Variants in SLC4A10 observed in about 807,000 individuals in gnomAD.
SLC4A10 encodes the protein solute carrier family 4 member 10.
In SLC4A10, 42 loss-of-function variants were observed where a neutral mutation model predicts 137.7. The observed-to-expected ratio is 0.30, with a 90% CI of 0.24 to 0.39. The LOEUF is 0.39. Among genes scored for constraint, SLC4A10 ranks in the 10% least tolerant of loss-of-function variants. The pLI is 1.00. For synonymous variants in SLC4A10, 474 were observed against 464.1 expected, an observed-to-expected ratio of 1.02 and a Z score of -0.27; for missense variants, 925 against 1,355.0, an observed-to-expected ratio of 0.68 and a Z score of 4.98.
intron 4 of SLC4A10, among the ~76,000 whole-genome samples, chr2:161,851,381 A>G (rs2059824882): frequency 6.6e-6 from 1 of 152,182 alleles, no homozygotes; most frequent in Admixed American, 6.5e-5. Context: ...TTGTTTTATG[A>G]ATCTGGGTGT....
intron 1 of SLC4A10, among the ~76,000 whole-genome samples, chr2:161,767,392 C>T (rs1406670264): frequency 2.0e-5 from 3 of 151,330 alleles, no homozygotes; most frequent in East Asian, 2.0e-4. Flanking sequence ...ATGCCATCCT[C>T]ATAAGTAGTT....
intron 1 of SLC4A10, among the ~76,000 whole-genome samples, chr2:161,656,521 TAAAAC>T (rs2037556557): frequency 6.6e-6 from 1 of 152,214 alleles, no homozygotes. Context: ...TAGAATGTAT[TAAAAC>T]AAATGTGATC....
intron 15 of SLC4A10, among the ~76,000 whole-genome samples, chr2:161,935,951 G>T (rs1691509400): frequency 6.6e-6 from 1 of 152,030 alleles, no homozygotes; most frequent in Non-Finnish European, 1.5e-5. Flanking sequence ...TTGTGTTGGG[G>T]TACATTCCTT....
chr2:161,917,544 C>T (rs1034553756), intron 15 of SLC4A10, among the ~76,000 whole-genome samples: 2 of 147,234 alleles, frequency 1.4e-5, no homozygotes, highest in Non-Finnish European at 3.0e-5. Context: ...CACCACTGCA[C>T]TCCAGCCTGG....
chr2:161,929,203 C>T (rs554971296), intron 15 of SLC4A10, among the ~76,000 whole-genome samples: 13 of 152,234 alleles, frequency 8.5e-5, no homozygotes, highest in African/African-American at 1.7e-4. Flanking sequence ...TTTACTTCAA[C>T]GAGAAAGAGA....
chr2:161,844,931 T>C (rs988831229), intron 4 of SLC4A10, among the ~76,000 whole-genome samples: 2 of 152,120 alleles, frequency 1.3e-5, no homozygotes, highest in South Asian at 4.1e-4. Flanking sequence ...GAAAAGGTCG[T>C]GCAATTGGCC....
At chr2:161,665,229 G>C (rs950757373) in intron 1 of SLC4A10, among the ~76,000 whole-genome samples, 2 of 151,896 alleles carry the variant, frequency 1.3e-5, no homozygotes, top group African/African-American at 4.8e-5. Context: ...CTTTTCAAAA[G>C]AGTTCATTTT....
At chr2:161,668,920 A>C (rs1489356569) in intron 1 of SLC4A10, among the ~76,000 whole-genome samples, 2 of 151,900 alleles carry the variant, frequency 1.3e-5, no homozygotes, top group African/African-American at 4.8e-5. Flanking sequence ...AGGATGCCTT[A>C]ATTCATTATT....
intron 15 of SLC4A10, among the ~76,000 whole-genome samples, chr2:161,930,038 C>A (rs1231392048): frequency 6.6e-6 from 1 of 152,088 alleles, no homozygotes; most frequent in Non-Finnish European, 1.5e-5. Context: ...CCTAAGCTAC[C>A]TGGTCTTTCT....
intron 15 of SLC4A10, among the ~76,000 whole-genome samples, chr2:161,913,333 T>C (rs895376012): frequency 6.6e-6 from 1 of 152,146 alleles, no homozygotes; most frequent in Admixed American, 6.5e-5. Flanking sequence ...TTTAAAGAGT[T>C]GTTTTTCATA....
chr2:161,714,948 C>T (rs2044681689), intron 1 of SLC4A10, among the ~76,000 whole-genome samples: 1 of 151,850 alleles, frequency 6.6e-6, no homozygotes, highest in Admixed American at 6.6e-5. Context: ...GTAAATGCTA[C>T]AAATATGTAT....
intron 18 of SLC4A10, 123 bp from the exon 19 acceptor site, chr2:161,950,561 TTTA>T: frequency 1.3e-6 from 1 of 750,586 alleles, no homozygotes; most frequent in Non-Finnish European, 2.1e-6. Context: ...ATTATTATTA[TTTA>T]TTATAGGCCA....
At chr2:161,977,598 CT>C in intron 25 of SLC4A10, 123 bp from the exon 26 acceptor site, 1 of 761,744 alleles carries the variant, frequency 1.3e-6, no homozygotes, top group South Asian at 2.1e-5. Flanking sequence ...GCTAATATCT[CT>C]TTTTGTTAGA....
intron 2 of SLC4A10, among the ~76,000 whole-genome samples, chr2:161,785,609 A>G (rs200231473): frequency 2.0e-5 from 3 of 151,980 alleles, no homozygotes; most frequent in East Asian, 1.9e-4. Context: ...TTCACAGAGT[A>G]AAGAACAAAA....
intron 3 of SLC4A10, among the ~76,000 whole-genome samples, chr2:161,814,883 C>T (rs1199198694): frequency 6.6e-6 from 1 of 151,806 alleles, no homozygotes; most frequent in Non-Finnish European, 1.5e-5. Context: ...TTCAATATGC[C>T]CATATAACAA....
intron 26 of SLC4A10, among the ~76,000 whole-genome samples, chr2:161,981,641 T>C (rs1002109992): frequency 2.0e-5 from 3 of 152,152 alleles, no homozygotes; most frequent in African/African-American, 4.8e-5. Flanking sequence ...GAGCATACAC[T>C]TGTCATATAA....
At position 161,908,671 on chromosome 2, in the gene SLC4A10, G is replaced by A. The variant is rs149415270; in HGVS notation, c.1997+2784G>A. Among the ~76,000 whole-genome samples, 1,165 of 151,694 alleles carry A rather than the reference G, an allele frequency of 7.7e-3. 8 individuals are homozygous for A. The highest frequency in any genetic ancestry group is 0.011 in the Non-Finnish European group (749 of 67,956). On this transcript the variant is annotated intron_variant, in intron 15 of 26. Transcript: ENST00000446997. ...GAAGCCAGTTTGCAAAAACTAACAA[G>A]GAAGTGGGTGGTAAAGAAATGGAGA... is the stretch of plus-strand genomic sequence containing the variant.
At position 161,905,885 on chromosome 2, in the gene SLC4A10, C is replaced by T; in HGVS notation, c.1995C>T (p.Tyr665=). 1 of 1,597,442 alleles carries T rather than the reference C, an allele frequency of 6.3e-7. No homozygotes were observed. The highest frequency in any genetic ancestry group is 1.7e-4 in the Middle Eastern group (1 of 5,970). ...MHNDLELLTQ[Y]SCNCVEPHNP... is the part of the protein sequence containing the mutation. ...ATGATCTGGAACTGCTGACACAATA[C>T]TCGTAAGTACCATTTCCCCTGCTGG... is the stretch of plus-strand genomic sequence containing the variant. The change falls in exon 15 of 27, where the codon TAC becomes TAT. Residue 665 remains tyrosine (Y), a splice_region_variant and synonymous_variant. Transcript: ENST00000446997.
intron 4 of SLC4A10, among the ~76,000 whole-genome samples, chr2:161,846,574 T>A (rs900035822): frequency 7.2e-5 from 11 of 152,208 alleles, no homozygotes; most frequent in Non-Finnish European, 1.5e-4. Context: ...ACAACCTGAA[T>A]GTCCCCCATG....
Sources: allele counts gnomAD v4.1 joint callset (sites outside exome capture counted in the v4.1 genomes callset), GRCh38; gene constraint gnomAD v4.1.1; transcripts MANE v1.5; gene names NCBI Gene and HGNC (gene_info 2026-07-23, HGNC 2026-07-21).